Variants in SOBP observed in about 807,000 individuals in gnomAD.
The protein encoded by SOBP is sine oculis-binding protein homolog.
A neutral mutation model predicts 53.6 loss-of-function variants in SOBP; 4 were observed. That is an observed-to-expected ratio of 0.07 (90% CI 0.04 to 0.17). SOBP has a LOEUF of 0.17. SOBP is among the 10% of genes least tolerant of loss of function. The probability of loss-of-function intolerance (pLI) is 1.00; values close to 1 mark genes in which losing one functional copy is unlikely to be tolerated. For missense variants in SOBP, 1,088 were observed against 1,204.7 expected (o/e 0.90, Z 1.43); for synonymous variants, 584 against 522.6 (o/e 1.12, Z -1.60).
rs542528589 is a variant in SOBP at position 107,505,433 on chromosome 6, G to A, written c.236-809G>A. On this transcript the variant is annotated intron_variant, in intron 2 of 6. Coordinates refer to ENST00000317357, the MANE Select transcript of SOBP (RefSeq NM_018013.4). ...CGCCTCCTGGGTTCAAGCGATTCTC[G>A]TGCCTCAACCTCCCAAGTAGCTGGG... Among the ~76,000 whole-genome samples, 5 of 147,814 alleles carry A rather than the reference G, an allele frequency of 3.4e-5. No individual in the cohort carries two copies. The South Asian group carries it at 1.1e-3, about 32-fold the overall frequency.
intron 3 of SOBP, among the ~76,000 whole-genome samples, chr6:107,524,313 G>A (rs1783597828): frequency 1.3e-5 from 2 of 152,270 alleles, no homozygotes; most frequent in South Asian, 2.1e-4. Flanking sequence ...GTAGACTTCA[G>A]CTATCTAGGA....
chr6:107,566,345 A>G (rs1222506562), intron 4 of SOBP, among the ~76,000 whole-genome samples: 1 of 152,186 alleles, frequency 6.6e-6, no homozygotes, highest in African/African-American at 2.4e-5. Context: ...ATGTTTGTTC[A>G]CTTGAGACTC....
At position 107,611,293 on chromosome 6, in the gene SOBP, C is replaced by T. The variant is rs560806706; in HGVS notation, c.670-22221C>T. Among the ~76,000 whole-genome samples, 7 of 152,224 alleles carry T rather than the reference C, an allele frequency of 4.6e-5. No individual in the cohort carries two copies. The East Asian group carries it at 9.6e-4, about 21-fold the overall frequency. On this transcript the variant is annotated intron_variant, in intron 5 of 6. Transcript: ENST00000317357. The stretch of plus-strand genomic sequence containing the variant: ...AGAGAGGGGAAGAAAGAGGGGGCCC[C>T]GGTGGAGCCAAAGAACAGTAATCTT...
At chr6:107,625,517 G>A (rs142324494) in intron 5 of SOBP, among the ~76,000 whole-genome samples, 6 of 152,336 alleles carry the variant, frequency 3.9e-5, no homozygotes, top group South Asian at 2.1e-4. Context: ...GTGGGCTAAG[G>A]TAGTGGACAC....
intron 5 of SOBP, among the ~76,000 whole-genome samples, chr6:107,618,655 G>A (rs183625015): frequency 1.7e-3 from 258 of 152,292 alleles, no homozygotes; most frequent in African/African-American, 5.5e-3. Context: ...AAAAAATAGC[G>A]ATATGCCATT....
chr6:107,541,553 A>G (rs1313458824), intron 4 of SOBP, among the ~76,000 whole-genome samples: 1 of 152,140 alleles, frequency 6.6e-6, no homozygotes, highest in Non-Finnish European at 1.5e-5. Context: ...TCCAATAACT[A>G]TATTTTGGAG....
chr6:107,650,499 T>C (rs1012453315), intron 6 of SOBP, among the ~76,000 whole-genome samples: 38 of 152,228 alleles, frequency 2.5e-4, no homozygotes, highest in African/African-American at 9.2e-4. Flanking sequence ...CTGTGTCACA[T>C]TTTGGTAATT....
chr6:107,544,164 A>C (rs1220280365), intron 4 of SOBP, among the ~76,000 whole-genome samples: 2 of 152,176 alleles, frequency 1.3e-5, no homozygotes, highest in African/African-American at 4.8e-5. Flanking sequence ...CACACATTGA[A>C]GCTACTATCT....
At chr6:107,577,358 A>C (rs528081915) in intron 4 of SOBP, among the ~76,000 whole-genome samples, 2 of 152,318 alleles carry the variant, frequency 1.3e-5, no homozygotes, top group South Asian at 4.1e-4. Context: ...GACAGAGCAG[A>C]GGCTGGCCAA....
chr6:107,583,425 T>G (rs769505499), intron 4 of SOBP, among the ~76,000 whole-genome samples: 1 of 152,226 alleles, frequency 6.6e-6, no homozygotes, highest in Non-Finnish European at 1.5e-5. Flanking sequence ...GGAAGTGGTA[T>G]GGTAGTTCTT....
At chr6:107,656,317 A>AAGACAGAC (rs1334447692) in intron 6 of SOBP, among the ~76,000 whole-genome samples, 1,001 of 39,452 alleles carry the variant, frequency 0.025, 11 homozygotes, top group Non-Finnish European at 0.048. Flanking sequence ...GAAAGAAAGA[A>AAGACAGAC]AGAAAGAAAG....
chr6:107,560,638 G>A (rs1010997329), intron 4 of SOBP, among the ~76,000 whole-genome samples: 2 of 152,118 alleles, frequency 1.3e-5, no homozygotes, highest in African/African-American at 4.8e-5. Flanking sequence ...TATTGTTTAA[G>A]CCTCATAATG....
intron 3 of SOBP, among the ~76,000 whole-genome samples, chr6:107,524,426 C>T (rs768014941): frequency 1.2e-4 from 18 of 152,146 alleles, no homozygotes; most frequent in South Asian, 4.1e-4. Context: ...GATGGGGATA[C>T]GATTTTAATT....
intron 3 of SOBP, among the ~76,000 whole-genome samples, chr6:107,522,717 AT>A (rs1178164130): frequency 6.6e-6 from 1 of 150,922 alleles, no homozygotes; most frequent in African/African-American, 2.4e-5. Flanking sequence ...TAATTTTTGT[AT>A]TTTTTTGTAG....
chr6:107,612,308 A>G (rs1786628480), intron 5 of SOBP, among the ~76,000 whole-genome samples: 1 of 152,224 alleles, frequency 6.6e-6, no homozygotes, highest in Non-Finnish European at 1.5e-5. Flanking sequence ...TGCAGAATGA[A>G]AGACTCAGCT....
rs555924644 is a variant in SOBP at position 107,531,587 on chromosome 6, A to G, written c.422-1872A>G. ...AGAGATGCCATATTAGAGATCATGT[A>G]AAATATAAATAAAAGCTTGCTTTTA... On this transcript the variant is annotated intron_variant, in intron 3 of 6. Transcript: ENST00000317357. Among the ~76,000 whole-genome samples the G allele has an allele frequency of 2.6e-5, 4 of 152,266 alleles. No homozygotes were observed. In the South Asian group the frequency reaches 8.3e-4, roughly 32 times the overall value.
At chr6:107,538,390 G>A (rs1455959030) in intron 4 of SOBP, among the ~76,000 whole-genome samples, 2 of 152,176 alleles carry the variant, frequency 1.3e-5, no homozygotes, top group East Asian at 1.9e-4. Context: ...CTTGGAGAAG[G>A]ACATTAAGAA....
intron 4 of SOBP, among the ~76,000 whole-genome samples, chr6:107,556,623 T>G (rs1388986872): frequency 6.6e-6 from 1 of 152,236 alleles, no homozygotes; most frequent in Non-Finnish European, 1.5e-5. Context: ...ATAGTTTGAC[T>G]GCATTAATGC....
At chr6:107,612,450 T>TCA (rs1786633477) in intron 5 of SOBP, among the ~76,000 whole-genome samples, 1 of 152,178 alleles carries the variant, frequency 6.6e-6, no homozygotes, top group South Asian at 2.1e-4. Context: ...TTTGTAGACT[T>TCA]AGAGCAGCAG....
Sources: gnomAD v4.1 joint callset for allele counts (sites outside exome capture counted in the v4.1 genomes callset) on GRCh38, gnomAD v4.1.1 for gene constraint, MANE v1.5 for transcripts, NCBI Gene and HGNC (gene_info 2026-07-23, HGNC 2026-07-21) for gene names.